SCN8A: variants seen among roughly 807,000 people sequenced by gnomAD.
SCN8A encodes sodium channel protein type 8 subunit alpha.
In SCN8A, 30 loss-of-function variants were observed where a neutral mutation model predicts 184.1. That is an observed-to-expected ratio of 0.16 (90% CI 0.12 to 0.22). SCN8A has a LOEUF of 0.22. Ranked by LOEUF, SCN8A falls within the 10% of genes least tolerant of loss-of-function variation. SCN8A has a pLI of 1.00. For synonymous variants in SCN8A, 852 were observed against 907.0 expected, an observed-to-expected ratio of 0.94 and a Z score of 1.09; for missense variants, 1,057 against 2,498.9, an observed-to-expected ratio of 0.42 and a Z score of 12.30.
At chr12:51,597,104 A>G (rs1382970565) in intron 1 of SCN8A, among the ~76,000 whole-genome samples, 1 of 152,174 alleles carries the variant, frequency 6.6e-6, no homozygotes, top group East Asian at 1.9e-4. Flanking sequence ...GATGTGTCAT[A>G]CTGAGGAGAA....
Position 51,706,564 on chromosome 12 carries a change from G to T in SCN8A, c.1484G>T (p.Arg495Ile). Residue 495 changes from arginine (R) to isoleucine (I), a missense_variant, in exon 11 of 27, where the codon AGA (arginine) becomes ATA (isoleucine). Around this residue, in one of 19 missense-constraint regions of SCN8A, gnomAD observed 322 missense variants for 390.1 expected, o/e 0.83. Coordinates refer to ENST00000627620, the MANE Select transcript of SCN8A (RefSeq NM_001330260.2). ...SKSAKERRNR[R>I]KKRKQKELSE... ...AGTGCAAAGGAAAGACGTAACAGGA[G>T]AAAGAAGAGGAAGCAAAAGGAACTC... 1 of 1,608,180 alleles carries T rather than the reference G, an allele frequency of 6.2e-7. No individual in the cohort carries two copies. The highest frequency in any genetic ancestry group is 8.5e-7 in the Non-Finnish European group (1 of 1,177,102).
chr12:51,620,327 A>G (rs1939932167), intron 1 of SCN8A, among the ~76,000 whole-genome samples: 1 of 152,202 alleles, frequency 6.6e-6, no homozygotes, highest in African/African-American at 2.4e-5. Flanking sequence ...ATTAATTTCA[A>G]TAAATCATGA....
chr12:51,678,304 A>C (rs947788193), intron 2 of SCN8A, among the ~76,000 whole-genome samples: 1 of 152,222 alleles, frequency 6.6e-6, no homozygotes, highest in Non-Finnish European at 1.5e-5. Flanking sequence ...CCCTGCTGAC[A>C]TAAGTATGGT....
intron 1 of SCN8A, among the ~76,000 whole-genome samples, chr12:51,645,899 C>T (rs1940574388): frequency 6.8e-6 from 1 of 146,162 alleles, no homozygotes; most frequent in Non-Finnish European, 1.5e-5. Flanking sequence ...CACTATTGTC[C>T]TGTGACCCTG....
At chr12:51,622,513 C>T (rs1939984768) in intron 1 of SCN8A, among the ~76,000 whole-genome samples, 1 of 152,100 alleles carries the variant, frequency 6.6e-6, no homozygotes, top group Admixed American at 6.5e-5. Flanking sequence ...TTTTGTAGAA[C>T]ACCCCTCAAT....
At chr12:51,710,006 GTC>G (rs1484800856) in intron 11 of SCN8A, among the ~76,000 whole-genome samples, 1 of 152,058 alleles carries the variant, frequency 6.6e-6, no homozygotes, top group East Asian at 1.9e-4. Flanking sequence ...TGAGACCTCT[GTC>G]TCTACAAAAA....
intron 22 of SCN8A, 85 bp from the exon 23 acceptor site, chr12:51,788,610 C>A (rs1938156322): frequency 4.8e-6 from 5 of 1,039,134 alleles, no homozygotes; most frequent in Non-Finnish European, 6.9e-6. Context: ...TCTCACTGAA[C>A]CTAAGCCTGG....
chr12:51,677,023 G>A (rs1045831704), intron 2 of SCN8A, among the ~76,000 whole-genome samples: 4 of 151,082 alleles, frequency 2.6e-5, no homozygotes, highest in African/African-American at 9.7e-5. Context: ...TCTATATAAA[G>A]TCTTTTCATA....
At chr12:51,755,553 CAGGAGGATCGCTTAA>C (rs1942661181) in intron 14 of SCN8A, among the ~76,000 whole-genome samples, 1 of 151,846 alleles carries the variant, frequency 6.6e-6, no homozygotes, top group Non-Finnish European at 1.5e-5. Context: ...TCAGCTGAGG[CAGGAGGATCGCTTAA>C]AGTTTGAGAC....
chr12:51,745,772 G>A, intron 12 of SCN8A, 131 bp from the exon 13 acceptor site: 1 of 625,898 alleles, frequency 1.6e-6, no homozygotes. Context: ...TTCTTGAAGT[G>A]AATAGGACTG....
intron 11 of SCN8A, among the ~76,000 whole-genome samples, chr12:51,717,676 G>A (rs1000989453): frequency 2.0e-5 from 3 of 152,176 alleles, no homozygotes; most frequent in African/African-American, 7.2e-5. Context: ...ACCACACAGC[G>A]TATGTGTCCT....
In SCN8A at chr12:51,807,321, G is replaced by T. The variant is rs776428412; in HGVS notation, c.5835G>T (p.Pro1945=). The T allele has an allele frequency of 2.5e-6, 4 of 1,613,806 alleles. No homozygotes were observed. The highest frequency in any genetic ancestry group is 3.4e-6 in the Non-Finnish European group (4 of 1,179,814). Residue 1945 remains proline, a synonymous_variant, in exon 27 of 27, where the codon CCG becomes CCT. Coordinates refer to ENST00000627620, the MANE Select transcript of SCN8A (RefSeq NM_001330260.2). The surrounding 1 kb of genome is among the most constrained non-coding windows in gnomAD (Gnocchi z 4.5). ...GCACCCCATCTACAGCCTCCCTCCC[G>T]TCCTATGACAGTGTAACTAAACCTG... The part of the protein sequence containing the change: ...KESTPSTASL[P]SYDSVTKPEK...
At position 51,786,352 on chromosome 12, in the gene SCN8A, C is replaced by T. The variant is rs569732543; in HGVS notation, c.3943-190C>T. Among the ~76,000 whole-genome samples, 9 of 152,312 alleles carry T rather than the reference C, an allele frequency of 5.9e-5. No individual in the cohort carries two copies. The South Asian group carries it at 1.7e-3, about 28-fold the overall frequency. ...AATAAAGGTGTAACTTTTTAAAATT[C>T]CTTCAATATAGTCCTAGACTTAGAA... On this transcript the variant is annotated intron_variant, in intron 21 of 26. Coordinates refer to ENST00000627620, the MANE Select transcript of SCN8A (RefSeq NM_001330260.2).
chr12:51,670,939 T>C (rs923391381), intron 2 of SCN8A, among the ~76,000 whole-genome samples: 2 of 152,176 alleles, frequency 1.3e-5, no homozygotes, highest in African/African-American at 4.8e-5. Context: ...GAACTTAGTT[T>C]TTTTGTTAGG....
chr12:51,692,003 C>A (rs898538040), intron 6 of SCN8A, among the ~76,000 whole-genome samples: 2 of 152,174 alleles, frequency 1.3e-5, no homozygotes, highest in African/African-American at 4.8e-5. Flanking sequence ...GGAAGTATGT[C>A]ATTTTGATTC....
chr12:51,608,501 T>G (rs1048417385), intron 1 of SCN8A, among the ~76,000 whole-genome samples: 3 of 152,162 alleles, frequency 2.0e-5, no homozygotes, highest in South Asian at 4.1e-4. Flanking sequence ...GATCCATCTC[T>G]TTTAGGTTTT....
At chr12:51,650,792 G>A (rs1044851644) in intron 1 of SCN8A, among the ~76,000 whole-genome samples, 76 of 152,118 alleles carry the variant, frequency 5.0e-4, no homozygotes, top group African/African-American at 1.7e-3. Flanking sequence ...CTAACCCAGC[G>A]GTGCTAGAGG....
At chr12:51,696,730 T>C (rs918027359) in intron 6 of SCN8A, among the ~76,000 whole-genome samples, 3 of 152,140 alleles carry the variant, frequency 2.0e-5, no homozygotes, top group African/African-American at 7.2e-5. Flanking sequence ...TTAAATTTGA[T>C]TTGAAACACA....
chr12:51,615,018 C>T (rs186015624), intron 1 of SCN8A, among the ~76,000 whole-genome samples: 16 of 152,154 alleles, frequency 1.1e-4, no homozygotes, highest in Admixed American at 9.8e-4. Flanking sequence ...CCATGACAAT[C>T]TCTTTTAGTT....
Sources: allele counts gnomAD v4.1 joint callset (sites outside exome capture counted in the v4.1 genomes callset), GRCh38; gene constraint gnomAD v4.1.1; regional missense constraint gnomAD v4.1.1; non-coding constraint Gnocchi (gnomAD v3.1); transcripts MANE v1.5; gene names NCBI Gene and HGNC (gene_info 2026-07-23, HGNC 2026-07-21).